The following ASAP3 variants were observed in gnomAD, a reference collection of about 807,000 sequenced individuals.
ASAP3 encodes arf-GAP with SH3 domain, ANK repeat and PH domain-containing protein 3.
Under a neutral mutation model 118.2 loss-of-function variants are expected in ASAP3, and 85 were observed. The ratio of observed to expected loss-of-function variants is 0.72; its 90% CI spans 0.60 to 0.86. ASAP3 has a LOEUF of 0.86. Among genes scored for constraint, ASAP3 ranks in the 40% least tolerant of loss-of-function variants. ASAP3 has a pLI of 0.00. For synonymous variants in ASAP3, 432 were observed against 477.4 expected, an observed-to-expected ratio of 0.90 and a Z score of 1.24; for missense variants, 1,026 against 1,175.0, an observed-to-expected ratio of 0.87 and a Z score of 1.85.
chr1:23,433,506 A>C lies in ASAP3; in HGVS notation c.2046T>G (p.Phe682Leu). Residue 682 changes from phenylalanine to leucine, a missense_variant, in exon 21 of 25, where the codon TTT becomes TTG. Transcript: ENST00000336689. ...ELLEQAQAGT[F>L]AFPLHVDYSW... The stretch of plus-strand genomic sequence containing the variant: ...AGTAGTCCACATGTAGAGGGAAGGC[A>C]AAGGTCCCCGCCTGGGCCTGCTCCA... The C allele has an allele frequency of 6.2e-7, 1 of 1,614,192 alleles. No homozygotes were observed. The highest frequency in any genetic ancestry group is 8.5e-7 in the Non-Finnish European group (1 of 1,180,036).
chr1:23,466,185 G>C (rs549555932), intron 1 of ASAP3, among the ~76,000 whole-genome samples: 1 of 152,340 alleles, frequency 6.6e-6, no homozygotes, highest in South Asian at 2.1e-4. Flanking sequence ...TCAAACAGGG[G>C]ACATTTCTAA....
At position 23,455,882 on chromosome 1, in the gene ASAP3, AG is replaced by A; in HGVS notation, c.346del (p.Leu116Ter). The A allele has an allele frequency of 1.2e-6, 2 of 1,614,150 alleles. No individual in the cohort carries two copies. Among genetic ancestry groups the A allele is most frequent in the Non-Finnish European group, 1.7e-6 (2 of 1,180,008 alleles). ...GCAAGGAAGAGACAGGGGCCTCACC[AG>A]GTTCTTGAAGAGCGCAGCAACCTCG... ...TREVAALFKNLIQNLNNIVSF... is the reference protein window; with the variant it reads ...TREVAALFKNXIQNLNNIVSF... On this transcript the variant is annotated frameshift_variant and splice_region_variant, in exon 3 of 25. Transcript: ENST00000336689. LOFTEE classifies it high-confidence loss of function.
At position 23,436,533 on chromosome 1, in the gene ASAP3, T is replaced by G; in HGVS notation, c.1571+27A>C. ...CGGAGGCAGAATCCCCTAGGCAGGG[T>G]GCCCCTCTCTCTGAGAATCCCCTTA... is the stretch of plus-strand genomic sequence containing the variant. On this transcript the variant is annotated intron_variant, in intron 16 of 24. Transcript: ENST00000336689. This position sits in a 1 kb window ranked among gnomAD's most constrained non-coding sequence, Gnocchi z 4.2. 6.2e-7 allele frequency: 1 copy of G among 1,610,700 alleles called. No individual in the cohort carries two copies. Among genetic ancestry groups the G allele is most frequent in the South Asian group, 1.1e-5 (1 of 91,002 alleles).
At chr1:23,446,310 G>C (rs1318469279) in intron 5 of ASAP3, among the ~76,000 whole-genome samples, 1 of 152,174 alleles carries the variant, frequency 6.6e-6, no homozygotes, top group Non-Finnish European at 1.5e-5. Flanking sequence ...TTTGGAAAAT[G>C]AGAATAATAC....
Position 23,434,295 on chromosome 1 carries a change from C to A in ASAP3, c.1910G>T (p.Cys637Phe), listed in dbSNP as rs1640551840. 1 of 1,614,186 alleles carries A rather than the reference C, an allele frequency of 6.2e-7. No individual in the cohort carries two copies. Among genetic ancestry groups the A allele is most frequent in the Middle Eastern group, 1.6e-4 (1 of 6,062 alleles). Reference protein sequence around the residue: ...HYAALYNQPDCLKLLLKGRAL... With the variant: ...HYAALYNQPDFLKLLLKGRAL... ...TCTCCCCTTCAGCAGCAGCTTGAGG[C>A]AGTCGGGCTGGTTGTAGAGTGCTGC... is the stretch of plus-strand genomic sequence containing the variant. The change falls in exon 19 of 25, where the codon TGC becomes TTC. Residue 637 changes from cysteine to phenylalanine, a missense_variant. Cys to Phe is a radical substitution (Grantham distance 205, BLOSUM62 -2). Transcript: ENST00000336689.
chr1:23,429,748 A>T lies in ASAP3; in HGVS notation c.*108T>A, dbSNP rs1401124527. ...AGCTACAGAGGCACAAGGGACAGAG[A>T]GAGTGAGATCCAAGAGAACAAATGT... is the stretch of plus-strand genomic sequence containing the variant. On this transcript the variant is annotated 3_prime_UTR_variant, in exon 25 of 25. Coordinates refer to ENST00000336689, the MANE Select transcript of ASAP3 (RefSeq NM_017707.4). 1.8e-6 allele frequency: 2 copies of T among 1,123,292 alleles called. No individual in the cohort carries two copies. Among genetic ancestry groups the T allele is most frequent in the Non-Finnish European group, 2.6e-6 (2 of 784,180 alleles). 69.6% of individuals were successfully genotyped at this position (1,123,292 alleles called of 1,614,324 possible). A position where few individuals can be genotyped will look rare whatever the true frequency, so the allele number is the denominator to read the frequency against.
Position 23,438,976 on chromosome 1 carries a change from G to T in ASAP3, c.1015-142C>A, listed in dbSNP as rs979553114. 6.3e-6 allele frequency: 7 copies of T among 1,114,846 alleles called. No individual in the cohort carries two copies. The highest frequency in any genetic ancestry group is 9.2e-6 in the Non-Finnish European group (7 of 761,970). The allele number at this position is 1,114,846 out of a possible 1,614,324, so 69.1% of individuals were successfully genotyped here. On this transcript the variant is annotated intron_variant, in intron 11 of 24. Coordinates refer to ENST00000336689, the MANE Select transcript of ASAP3 (RefSeq NM_017707.4). The surrounding 1 kb of genome is among the most constrained non-coding windows in gnomAD (Gnocchi z 4.9). ...CCTCACCCAGCAGCACCTCAAGGAT[G>T]TGAAGTGTAGACTAAGACTAGATTG...
At chr1:23,478,038 C>G (rs1273953082) in intron 1 of ASAP3, among the ~76,000 whole-genome samples, 1 of 151,916 alleles carries the variant, frequency 6.6e-6, no homozygotes. Context: ...CAGGGCCAAC[C>G]CCATCCATTC....
intron 1 of ASAP3, among the ~76,000 whole-genome samples, chr1:23,466,193 T>C (rs1476213314): frequency 1.3e-5 from 2 of 152,230 alleles, no homozygotes; most frequent in African/African-American, 4.8e-5. Context: ...GGGACATTTC[T>C]AAGGAAGAAC....
chr1:23,456,258 A>G, intron 1 of ASAP3, 64 bp from the exon 2 acceptor site: 1 of 1,494,390 alleles, frequency 6.7e-7, no homozygotes. Flanking sequence ...TCCTTCAGGA[A>G]CGCTGTATCT....
At chr1:23,433,347 C>T in intron 21 of ASAP3, 75 bp from the exon 22 acceptor site, 1 of 1,612,296 alleles carries the variant, frequency 6.2e-7, no homozygotes, top group South Asian at 1.1e-5. Flanking sequence ...CCTCACCGCC[C>T]CCGCCAACAC....
intron 1 of ASAP3, among the ~76,000 whole-genome samples, chr1:23,470,867 C>A (rs1641941434): frequency 6.6e-6 from 1 of 152,164 alleles, no homozygotes; most frequent in African/African-American, 2.4e-5. Context: ...CTCTGCAAAC[C>A]CCAAGTTTCC....
intron 1 of ASAP3, among the ~76,000 whole-genome samples, chr1:23,462,506 C>T (rs968725090): frequency 4.0e-5 from 6 of 151,848 alleles, no homozygotes; most frequent in African/African-American, 1.4e-4. Context: ...GGCACAGTGG[C>T]TCACACCTGT....
At chr1:23,441,335 C>T in intron 9 of ASAP3, 52 bp downstream of exon 9, 6 of 1,607,544 alleles carry the variant, frequency 3.7e-6, no homozygotes, top group Admixed American at 1.7e-5. Flanking sequence ...TCCCTCCCTC[C>T]ACGGTGGGCC....
intron 1 of ASAP3, among the ~76,000 whole-genome samples, chr1:23,475,035 C>G (rs1642083105): frequency 1.3e-5 from 2 of 152,224 alleles, no homozygotes; most frequent in South Asian, 4.1e-4. Context: ...TCATTGTGTG[C>G]CAGTCTGGCA....
At chr1:23,460,528 C>CAAAAAAA (rs1558161244) in intron 1 of ASAP3, among the ~76,000 whole-genome samples, 42 of 140,390 alleles carry the variant, frequency 3.0e-4, no homozygotes, top group African/African-American at 6.5e-4. Flanking sequence ...AAAAAAAAAC[C>CAAAAAAA]AAACAAAAAC....
At chr1:23,473,651 C>G (rs750535506) in intron 1 of ASAP3, among the ~76,000 whole-genome samples, 6 of 152,178 alleles carry the variant, frequency 3.9e-5, no homozygotes, top group Non-Finnish European at 8.8e-5. Flanking sequence ...TCTCCTTGTA[C>G]CTCAGTGGCC....
upstream of ASAP3, chr1:23,484,559 A>T (rs1642448855): frequency 6.5e-6 from 1 of 153,654 alleles, no homozygotes; most frequent in South Asian, 2.1e-4. Context: ...GGGTCTTCCA[A>T]ATCCTCCTCC....
At position 23,441,162 on chromosome 1, in the gene ASAP3, T is replaced by C; in HGVS notation, c.884A>G (p.His295Arg). The change falls in exon 10 of 25, where the codon CAC (histidine) becomes CGC (arginine). Residue 295 changes from histidine to arginine, a missense_variant. By Grantham distance (29) the His-to-Arg change is conservative (BLOSUM62 0). Transcript: ENST00000336689. ...CGTCCCAAACTGCTTGTTGCCTTGG[T>C]GCTGGTGGATGCTATAGCCACATCC... ...NSGCGYSIHQHQGNKQFGTEK... is the reference protein window; with the variant it reads ...NSGCGYSIHQRQGNKQFGTEK... 1 of 1,614,222 alleles carries C rather than the reference T, an allele frequency of 6.2e-7. No homozygotes were observed. Among genetic ancestry groups the C allele is most frequent in the Non-Finnish European group, 8.5e-7 (1 of 1,180,050 alleles).
Sources: gnomAD v4.1 joint callset for allele counts (sites outside exome capture counted in the v4.1 genomes callset) on GRCh38, gnomAD v4.1.1 for gene constraint, Gnocchi (gnomAD v3.1) non-coding constraint, MANE v1.5 for transcripts, NCBI Gene and HGNC (gene_info 2026-07-23, HGNC 2026-07-21) for gene names.